The following RORA variants were observed in gnomAD, a reference collection of about 807,000 sequenced individuals.
The protein encoded by RORA is nuclear receptor ROR-alpha.
Under a neutral mutation model 69.5 loss-of-function variants are expected in RORA, and 7 were observed. The ratio of observed to expected loss-of-function variants is 0.10; its 90% confidence interval spans 0.06 to 0.19. The LOEUF is 0.19. Among genes scored for constraint, RORA ranks in the 10% least tolerant of loss-of-function variants. The pLI, the probability that RORA is intolerant of heterozygous loss-of-function variation, is 1.00. For synonymous variants in RORA, 261 were observed against 240.8 expected, an observed-to-expected ratio of 1.08 and a Z score of -0.78; for missense variants, 457 against 663.0, an observed-to-expected ratio of 0.69 and a Z score of 3.41.
intron 2 of RORA, among the ~76,000 whole-genome samples, chr15:60,636,743 C>T (rs2069848281): frequency 6.6e-6 from 1 of 152,072 alleles, no homozygotes; most frequent in African/African-American, 2.4e-5. Flanking sequence ...ATCTTATTAG[C>T]CAAATGCAAC....
chr15:60,584,186 C>T (rs967918157), intron 2 of RORA, among the ~76,000 whole-genome samples: 2 of 152,164 alleles, frequency 1.3e-5, no homozygotes, highest in African/African-American at 4.8e-5. Flanking sequence ...TACATGCCTT[C>T]GTGGGCCTCA....
chr15:61,222,337 G>A (rs984112030), intron 1 of RORA, among the ~76,000 whole-genome samples: 10 of 152,156 alleles, frequency 6.6e-5, no homozygotes, highest in South Asian at 2.1e-4. Context: ...TAATAATGAC[G>A]TGTCAGTTAA....
At chr15:60,942,653 G>A (rs1485108238) in intron 1 of RORA, among the ~76,000 whole-genome samples, 1 of 152,214 alleles carries the variant, frequency 6.6e-6, no homozygotes. Context: ...CTGTTAGAAT[G>A]CTGTGTGAAT....
intron 1 of RORA, among the ~76,000 whole-genome samples, chr15:60,915,722 T>C (rs1037196665): frequency 6.6e-6 from 1 of 152,182 alleles, no homozygotes; most frequent in African/African-American, 2.4e-5. Flanking sequence ...AAGCTTCGGC[T>C]TGAAGAAGTG....
chr15:60,835,934 G>C (rs2073109148), intron 1 of RORA, among the ~76,000 whole-genome samples: 1 of 152,178 alleles, frequency 6.6e-6, no homozygotes, highest in Non-Finnish European at 1.5e-5. Context: ...CCTGGTATTT[G>C]TTTTTGTCTG....
chr15:61,040,124 AT>A (rs1344926754), intron 1 of RORA, among the ~76,000 whole-genome samples: 1 of 75,138 alleles, frequency 1.3e-5, no homozygotes, highest in East Asian at 5.1e-4. Flanking sequence ...ATATATATAT[AT>A]ATATATATAT....
rs2080008973 is a variant in RORA, at chr15:61,213,150, G to A, written c.166+15903C>T. Among the ~76,000 whole-genome samples, 1 of 151,924 alleles carries A rather than the reference G, an allele frequency of 6.6e-6. No individual in the cohort carries two copies. Among genetic ancestry groups the A allele is most frequent in the Non-Finnish European group, 1.5e-5 (1 of 67,972 alleles). On this transcript the variant is annotated intron_variant, in intron 1 of 10. Coordinates refer to ENST00000335670, the MANE Select transcript of RORA (RefSeq NM_134261.3). This position sits in a 1 kb window ranked among gnomAD's most constrained non-coding sequence, Gnocchi z 4.1. The stretch of plus-strand genomic sequence containing the variant: ...CACTCTACTCCACTACACTGTCCCA[G>A]CCAATAATCCCGGCCCACACTCTGC...
At position 60,883,151 on chromosome 15, in the gene RORA, AGAAAG is replaced by A. The variant is rs1299212814; in HGVS notation, c.167-204470_167-204466del. 3.3e-3 allele frequency among the ~76,000 whole-genome samples: 165 copies of A among 49,374 alleles called. 1 individual carries two copies. Among genetic ancestry groups the A allele is most frequent in the African/African-American group, 0.011 (158 of 14,442 alleles). The allele number at this position is 49,374 out of a possible 152,430, so 32.4% of individuals were successfully genotyped here. On this transcript the variant is annotated intron_variant, in intron 1 of 10. Coordinates refer to ENST00000335670, the MANE Select transcript of RORA (RefSeq NM_134261.3). ...GTCTCAAAAAAAAAAAAAAAAAAAA[AGAAAG>A]AGAGAGAGAGAGAGAGAGAGAGAGA...
At chr15:60,622,332 G>C (rs564009652) in intron 2 of RORA, among the ~76,000 whole-genome samples, 3 of 152,042 alleles carry the variant, frequency 2.0e-5, no homozygotes, top group East Asian at 1.9e-4. Context: ...CAAGATGCAG[G>C]CTGGGCGTGA....
intron 1 of RORA, among the ~76,000 whole-genome samples, chr15:61,009,250 A>G (rs1004794218): frequency 4.6e-5 from 7 of 151,976 alleles, no homozygotes; most frequent in Non-Finnish European, 7.4e-5. Context: ...ATTCCGGGGG[A>G]GGGATGGGTA....
chr15:61,060,998 C>T (rs546348006), intron 1 of RORA, among the ~76,000 whole-genome samples: 19 of 152,314 alleles, frequency 1.2e-4, no homozygotes, highest in Admixed American at 2.0e-4. Flanking sequence ...AGCAGGTATC[C>T]TCAAAGTCCT....
intron 1 of RORA, among the ~76,000 whole-genome samples, chr15:61,022,304 C>T (rs534632411): frequency 1.2e-4 from 19 of 152,220 alleles, no homozygotes; most frequent in African/African-American, 4.6e-4. Flanking sequence ...ATTTAGGCAG[C>T]TATTAATTAA....
At chr15:60,805,423 G>A (rs1402551994) in intron 1 of RORA, among the ~76,000 whole-genome samples, 1 of 152,212 alleles carries the variant, frequency 6.6e-6, no homozygotes, top group African/African-American at 2.4e-5. Context: ...CAGGGAGAAG[G>A]AGGCAGCCAG....
At chr15:60,716,555 C>T (rs559312589) in intron 1 of RORA, among the ~76,000 whole-genome samples, 1 of 152,284 alleles carries the variant, frequency 6.6e-6, no homozygotes, top group Admixed American at 6.5e-5. Context: ...CAGTCCCTGG[C>T]TCATAACTCC....
In RORA at chr15:60,966,949, G is replaced by A. The variant is rs557895885; in HGVS notation, c.166+262104C>T. 4.6e-5 allele frequency among the ~76,000 whole-genome samples: 7 copies of A among 152,256 alleles called. No individual in the cohort carries two copies. In the South Asian group the frequency reaches 1.0e-3, roughly 23 times the overall value. Reference sequence around the variant, plus strand: ...TGCAGGGCCATGAATCGGTGTCATAGCTTTAGGATATTCCACTCTTCTGCC... The same window carrying A: ...TGCAGGGCCATGAATCGGTGTCATAACTTTAGGATATTCCACTCTTCTGCC... On this transcript the variant is annotated intron_variant, in intron 1 of 10. Transcript: ENST00000335670.
chr15:61,091,373 C>A (rs2078703926), intron 1 of RORA, among the ~76,000 whole-genome samples: 1 of 152,136 alleles, frequency 6.6e-6, no homozygotes, highest in South Asian at 2.1e-4. Flanking sequence ...AAGTTTGACT[C>A]CCTGCCAAAT....
chr15:61,143,431 C>G (rs2079318739), intron 1 of RORA, among the ~76,000 whole-genome samples: 1 of 152,168 alleles, frequency 6.6e-6, no homozygotes, highest in African/African-American at 2.4e-5. Flanking sequence ...TATTTTGAAA[C>G]TTGGAATGTT....
At chr15:60,552,943 C>A (rs901946636) in intron 2 of RORA, among the ~76,000 whole-genome samples, 1 of 152,078 alleles carries the variant, frequency 6.6e-6, no homozygotes, top group Non-Finnish European at 1.5e-5. Context: ...AGCCTTGGAC[C>A]CCAATGCTAA....
intron 1 of RORA, among the ~76,000 whole-genome samples, chr15:61,053,768 T>C (rs1027313895): frequency 1.4e-5 from 2 of 147,230 alleles, no homozygotes; most frequent in Non-Finnish European, 1.5e-5. Context: ...AGATATCAAG[T>C]AGTGTTAACG....
Sources: allele counts gnomAD v4.1 joint callset (sites outside exome capture counted in the v4.1 genomes callset), GRCh38; gene constraint gnomAD v4.1.1; non-coding constraint Gnocchi (gnomAD v3.1); transcripts MANE v1.5; gene names NCBI Gene and HGNC (gene_info 2026-07-23, HGNC 2026-07-21).